The following ANKS1A variants were observed in gnomAD, a reference collection of about 807,000 sequenced individuals.
ANKS1A encodes ankyrin repeat and sterile alpha motif domain containing 1A.
A neutral mutation model predicts 120.3 loss-of-function variants in ANKS1A; 55 were observed. That is an observed-to-expected ratio of 0.46 (90% confidence interval 0.37 to 0.57). ANKS1A has a LOEUF of 0.57. ANKS1A is among the 20% of genes least tolerant of loss of function. ANKS1A has a pLI of 0.00. For missense variants in ANKS1A, 1,123 were observed against 1,480.3 expected (o/e 0.76, Z 3.96); for synonymous variants, 590 against 604.7 (o/e 0.98, Z 0.36).
intron 9 of ANKS1A, among the ~76,000 whole-genome samples, chr6:34,992,510 C>T (rs985197341): frequency 1.3e-5 from 2 of 152,158 alleles, no homozygotes; most frequent in African/African-American, 4.8e-5. Flanking sequence ...TTCCTGTGTG[C>T]GGAACACTCA....
intron 12 of ANKS1A, 27 bp downstream of exon 12, chr6:35,054,192 C>T (rs1317317331): frequency 6.2e-7 from 1 of 1,609,038 alleles, no homozygotes; most frequent in African/African-American, 1.3e-5. Context: ...CCATTTTCCC[C>T]ACAGAAACTG....
intron 13 of ANKS1A, chr6:35,070,833 TG>T: frequency 1.8e-6 from 1 of 558,686 alleles, no homozygotes; most frequent in Non-Finnish European, 3.4e-6. Context: ...TCTTTGTGTG[TG>T]TGTGTGTGTG....
At chr6:34,915,971 G>C (rs540348211) in intron 1 of ANKS1A, among the ~76,000 whole-genome samples, 8 of 149,884 alleles carry the variant, frequency 5.3e-5, no homozygotes, top group African/African-American at 9.8e-5. Context: ...AGGTAAAGAG[G>C]CTTCATGTCT....
At chr6:35,093,373 CA>C (rs1313625675), downstream of ANKS1A, among the ~76,000 whole-genome samples, 1 of 151,454 alleles carries the variant, frequency 6.6e-6, no homozygotes, top group African/African-American at 2.4e-5. Context: ...AATGTAAAAA[CA>C]AAAAAACAAA....
At chr6:34,899,506 A>AT (rs1312870599) in intron 1 of ANKS1A, among the ~76,000 whole-genome samples, 1 of 152,188 alleles carries the variant, frequency 6.6e-6, no homozygotes, top group Admixed American at 6.5e-5. Flanking sequence ...TAATTAAAAA[A>AT]CAAAAAAAAT....
At chr6:34,998,820 G>A (rs865954867) in intron 10 of ANKS1A, among the ~76,000 whole-genome samples, 4 of 152,184 alleles carry the variant, frequency 2.6e-5, no homozygotes, top group Non-Finnish European at 4.4e-5. Flanking sequence ...TTTTGTCTGC[G>A]GCTTGTCCTG....
chr6:34,889,277 G>A lies in ANKS1A; in HGVS notation c.-126G>A. 8.4e-7 allele frequency: 1 copy of A among 1,196,370 alleles called. No homozygotes were observed. The highest frequency in any genetic ancestry group is 1.0e-6 in the Non-Finnish European group (1 of 959,730). The allele number at this position is 1,196,370 out of a possible 1,614,324, so 74.1% of individuals were successfully genotyped here. ...GGAAGTGACGCGCTCGTGGGGAAAA[G>A]GCAGGGAGGGGGTGGTGTCCCCAGC... On this transcript the variant is annotated 5_prime_UTR_variant, in exon 1 of 24. Coordinates refer to ENST00000360359, the MANE Select transcript of ANKS1A (RefSeq NM_015245.3). The surrounding 1 kb of genome is among the most constrained non-coding windows in gnomAD (Gnocchi z 5.5).
At chr6:35,002,393 A>C (rs750300056) in intron 10 of ANKS1A, among the ~76,000 whole-genome samples, 1 of 152,190 alleles carries the variant, frequency 6.6e-6, no homozygotes, top group Non-Finnish European at 1.5e-5. Flanking sequence ...AAGCATGAGG[A>C]AACTCATCGC....
intron 3 of ANKS1A, 48 bp from the exon 4 acceptor site, chr6:34,981,625 TTGTCCCAGTCAGGTGCC>T: frequency 6.5e-7 from 1 of 1,545,506 alleles, no homozygotes; most frequent in Non-Finnish European, 8.8e-7. Flanking sequence ...TTACGAGTGG[TTGTCCCAGTCAGGTGCC>T]TGTCTGCCAG....
chr6:35,056,583 T>C (rs1430242652), intron 12 of ANKS1A, among the ~76,000 whole-genome samples: 5 of 152,326 alleles, frequency 3.3e-5, no homozygotes, highest in African/African-American at 1.2e-4. Flanking sequence ...CCACGATGCC[T>C]GGCCCCACCT....
At chr6:34,917,725 C>T (rs3800448) in intron 1 of ANKS1A, among the ~76,000 whole-genome samples, 11,001 of 152,250 alleles carry the variant, frequency 0.072, 599 homozygotes, top group East Asian at 0.23. Context: ...GCCTCTTCTC[C>T]GGACCTAAGA....
At chr6:34,909,547 A>C (rs1456214561) in intron 1 of ANKS1A, among the ~76,000 whole-genome samples, 3 of 152,254 alleles carry the variant, frequency 2.0e-5, no homozygotes, top group Non-Finnish European at 4.4e-5. Flanking sequence ...AAGTTAATTT[A>C]GAACCAAAAG....
intron 13 of ANKS1A, among the ~76,000 whole-genome samples, chr6:35,066,441 C>T (rs1484598569): frequency 6.6e-6 from 1 of 152,036 alleles, no homozygotes; most frequent in Non-Finnish European, 1.5e-5. Context: ...TCAGCCAAGA[C>T]CTCAAAGAGG....
At chr6:34,996,995 T>C (rs1479564212) in intron 10 of ANKS1A, among the ~76,000 whole-genome samples, 4 of 152,186 alleles carry the variant, frequency 2.6e-5, no homozygotes, top group African/African-American at 7.2e-5. Flanking sequence ...AGAATTGTTT[T>C]AGATATTCTA....
At position 35,082,746 on chromosome 6, in the gene ANKS1A, A is replaced by C; in HGVS notation, c.2765A>C (p.Tyr922Ser). The C allele has an allele frequency of 6.2e-7, 1 of 1,613,680 alleles. No individual in the cohort carries two copies. Residue 922 changes from tyrosine (Y) to serine (S), a missense_variant, in exon 18 of 24, where the codon TAC becomes TCC. By Grantham distance (144) the Tyr-to-Ser change is moderately radical. Around this residue, in one of 3 missense-constraint regions of ANKS1A, gnomAD observed 904 missense variants for 1,130.4 expected, o/e 0.80. Coordinates refer to ENST00000360359, the MANE Select transcript of ANKS1A (RefSeq NM_015245.3). This position sits in a 1 kb window ranked among gnomAD's most constrained non-coding sequence, Gnocchi z 4.1. The stretch of plus-strand genomic sequence containing the variant: ...CGGCCCCCGAGCCTGGCAGCCCCCT[A>C]CGCCCCAGTGCAGAGTTGGCAACAC... ...TLRPPSLAAPYAPVQSWQHQP... is the reference protein window; with the variant it reads ...TLRPPSLAAPSAPVQSWQHQP...
intron 1 of ANKS1A, among the ~76,000 whole-genome samples, chr6:34,924,248 A>T (rs891543743): frequency 6.6e-6 from 1 of 151,902 alleles, no homozygotes; most frequent in East Asian, 1.9e-4. Flanking sequence ...TTTTCTTTCA[A>T]CTATCTTCAA....
intron 1 of ANKS1A, among the ~76,000 whole-genome samples, chr6:34,905,025 G>T (rs772736717): frequency 6.6e-6 from 1 of 152,296 alleles, no homozygotes; most frequent in African/African-American, 2.4e-5. Context: ...TGGCCAGGCT[G>T]GTCTTGAACT....
chr6:35,069,041 G>T (rs1776937891), intron 13 of ANKS1A, among the ~76,000 whole-genome samples: 1 of 152,176 alleles, frequency 6.6e-6, no homozygotes, highest in Non-Finnish European at 1.5e-5. Flanking sequence ...ATGGCCCATG[G>T]ATTTCATCAC....
At chr6:35,045,686 C>T (rs899415292) in intron 11 of ANKS1A, among the ~76,000 whole-genome samples, 5 of 152,168 alleles carry the variant, frequency 3.3e-5, no homozygotes, top group Non-Finnish European at 7.3e-5. Flanking sequence ...CTGTGATCCA[C>T]GGACGTTATT....
Sources: gnomAD v4.1 joint callset for allele counts (sites outside exome capture counted in the v4.1 genomes callset) on GRCh38, gnomAD v4.1.1 for gene constraint, gnomAD v4.1.1 regional missense constraint, Gnocchi (gnomAD v3.1) non-coding constraint, MANE v1.5 for transcripts, NCBI Gene and HGNC (gene_info 2026-07-23, HGNC 2026-07-21) for gene names.